Variants in COL5A2 observed in about 807,000 individuals in gnomAD.
The protein encoded by COL5A2 is collagen type V alpha 2 chain, also known as collagen alpha-2(V) chain.
In COL5A2, 23 loss-of-function variants were observed where a neutral mutation model predicts 208.2. The ratio of observed to expected loss-of-function variants is 0.11; its 90% CI spans 0.08 to 0.16. COL5A2 has a LOEUF of 0.16. Ranked by LOEUF, COL5A2 falls within the 10% of genes least tolerant of loss-of-function variation. The pLI, the probability that COL5A2 is intolerant of heterozygous loss-of-function variation, is 1.00. For missense variants in COL5A2, 1,590 were observed against 1,956.4 expected (o/e 0.81, Z 3.53); for synonymous variants, 625 against 628.5 (o/e 0.99, Z 0.08).
intron 1 of COL5A2, among the ~76,000 whole-genome samples, chr2:189,121,412 T>G (rs1687497344): frequency 1.3e-5 from 2 of 152,072 alleles, no homozygotes; most frequent in Admixed American, 1.3e-4. Flanking sequence ...TGATTTTAAT[T>G]TCTTTACCAT....
In COL5A2 at chr2:189,176,604, C is replaced by T. The variant is rs78604623; in HGVS notation, c.97+2904G>A. ...TAGCTCACTAGATGCTAGGCATTAA[C>T]TTAGGAATATAAATACACTGTAAAT... On this transcript the variant is annotated intron_variant, in intron 1 of 53. Transcript: ENST00000374866. Among the ~76,000 whole-genome samples the T allele has an allele frequency of 7.4e-3, 1,127 of 152,242 alleles. 19 individuals carry two copies. Among genetic ancestry groups the T allele is most frequent in the African/African-American group, 0.024 (996 of 41,528 alleles).
chr2:189,092,100 G>A (rs1448641855), intron 7 of COL5A2, among the ~76,000 whole-genome samples: 2 of 152,198 alleles, frequency 1.3e-5, no homozygotes, highest in African/African-American at 2.4e-5. Flanking sequence ...CAAACAATTT[G>A]AAGCAGTACT....
chr2:189,257,576 C>A, the COL5A2 span, among the ~76,000 whole-genome samples: 1 of 152,010 alleles, frequency 6.6e-6, no homozygotes, highest in East Asian at 1.9e-4. Context: ...TGTTTATTAC[C>A]ACAGGTGTAA....
chr2:189,427,365 C>T, the COL5A2 span, among the ~76,000 whole-genome samples: 11 of 152,110 alleles, frequency 7.2e-5, no homozygotes, highest in South Asian at 4.1e-4. Flanking sequence ...TTTTAGAAAA[C>T]GTATGGAATA....
At chr2:189,255,052 A>G in the COL5A2 span, among the ~76,000 whole-genome samples, 21 of 152,330 alleles carry the variant, frequency 1.4e-4, no homozygotes, top group African/African-American at 4.6e-4. Flanking sequence ...CGGCAAAAGC[A>G]ATGTATCACT....
chr2:189,195,662 G>T (rs12987102), intron 1 of COL5A2, among the ~76,000 whole-genome samples: 2 of 151,972 alleles, frequency 1.3e-5, no homozygotes, highest in Non-Finnish European at 2.9e-5. Flanking sequence ...ATAACACCAC[G>T]TATCTACAGC....
the COL5A2 span, among the ~76,000 whole-genome samples, chr2:189,339,854 A>G: frequency 6.6e-6 from 1 of 152,138 alleles, no homozygotes; most frequent in Non-Finnish European, 1.5e-5. Context: ...GATTTTTCTG[A>G]GAAAGGAACT....
In COL5A2 at chr2:189,060,737, C is replaced by A; in HGVS notation, c.2078G>T (p.Gly693Val). 1 of 1,613,062 alleles carries A rather than the reference C, an allele frequency of 6.2e-7. No individual in the cohort carries two copies. Among genetic ancestry groups the A allele is most frequent in the Non-Finnish European group, 8.5e-7 (1 of 1,179,100 alleles). ...PGPPGEGGKP[G>V]DQGVPGDPGA... Reference sequence around the variant, plus strand: ...TATTATTTAAACACTTACTTGATCACCTGGTTTTCCACCTTCTCCAGGAGG... The same window carrying A: ...TATTATTTAAACACTTACTTGATCAACTGGTTTTCCACCTTCTCCAGGAGG... The change falls in exon 31 of 54, where the codon GGT becomes GTT. Residue 693 changes from glycine (G) to valine (V), a missense_variant. Physicochemically the swap from Gly to Val is moderately radical, Grantham distance 109 (BLOSUM62 -3). Coordinates refer to ENST00000374866, the MANE Select transcript of COL5A2 (RefSeq NM_000393.5).
chr2:189,139,356 C>G (rs141725779), intron 1 of COL5A2, among the ~76,000 whole-genome samples: 2 of 152,102 alleles, frequency 1.3e-5, no homozygotes, highest in African/African-American at 4.8e-5. Flanking sequence ...TGGCACTTTA[C>G]CTCCTCCCAA....
the COL5A2 span, among the ~76,000 whole-genome samples, chr2:189,416,021 C>A: frequency 6.6e-6 from 1 of 152,134 alleles, no homozygotes; most frequent in Non-Finnish European, 1.5e-5. Flanking sequence ...ATAATTTTCC[C>A]TGAATAATAC....
At chr2:189,432,894 C>A in the COL5A2 span, among the ~76,000 whole-genome samples, 18 of 152,316 alleles carry the variant, frequency 1.2e-4, no homozygotes, top group African/African-American at 4.3e-4. Context: ...CTCTGCGCCA[C>A]ATCGCCCTCA....
At chr2:189,140,814 T>C (rs1687920979) in intron 1 of COL5A2, among the ~76,000 whole-genome samples, 1 of 152,184 alleles carries the variant, frequency 6.6e-6, no homozygotes, top group South Asian at 2.1e-4. Flanking sequence ...TTTCTAAGGC[T>C]CAGTTCTTCC....
At chr2:189,367,926 C>T in the COL5A2 span, among the ~76,000 whole-genome samples, 2 of 152,160 alleles carry the variant, frequency 1.3e-5, no homozygotes, top group African/African-American at 4.8e-5. Flanking sequence ...TGGATAGGTC[C>T]CATTTTTAAG....
chr2:189,131,809 A>G (rs550226429), intron 1 of COL5A2, among the ~76,000 whole-genome samples: 2 of 152,374 alleles, frequency 1.3e-5, no homozygotes, highest in African/African-American at 2.4e-5. Flanking sequence ...CTTCATCCAT[A>G]TACATAATTT....
Position 189,053,444 on chromosome 2 carries a change from C to T in COL5A2, c.2533G>A (p.Val845Ile), listed in dbSNP as rs375124784. The change falls in exon 38 of 54, where the codon GTT becomes ATT. Residue 845 changes from valine to isoleucine, a missense_variant. Coordinates refer to ENST00000374866, the MANE Select transcript of COL5A2 (RefSeq NM_000393.5). ...SRGENGPTGA[V>I]GFAGPQGPDG... ...TATACCTGGGGTCCGGCAAAACCAA[C>T]AGCTCCAGTTGGCCCATTTTCACCT... 4.0e-5 allele frequency: 65 copies of T among 1,613,742 alleles called. No homozygotes were observed. The African/African-American group carries it at 8.1e-4, about 20-fold the overall frequency.
At chr2:189,345,586 A>G in the COL5A2 span, among the ~76,000 whole-genome samples, 1 of 152,158 alleles carries the variant, frequency 6.6e-6, no homozygotes. Context: ...TATCTCAGGA[A>G]AAAAAGGGAG....
At chr2:189,102,692 A>G (rs1360333787) in intron 3 of COL5A2, among the ~76,000 whole-genome samples, 1 of 152,140 alleles carries the variant, frequency 6.6e-6, no homozygotes, top group Non-Finnish European at 1.5e-5. Flanking sequence ...TGCATCATCT[A>G]TACCATTTGC....
At chr2:189,153,400 TCAAG>T (rs1688183624) in intron 1 of COL5A2, among the ~76,000 whole-genome samples, 1 of 152,194 alleles carries the variant, frequency 6.6e-6, no homozygotes, top group Non-Finnish European at 1.5e-5. Flanking sequence ...CATGATTCAG[TCAAG>T]ACCATCCTGG....
chr2:189,195,496 C>T (rs1025830445), intron 1 of COL5A2, among the ~76,000 whole-genome samples: 2 of 152,036 alleles, frequency 1.3e-5, no homozygotes, highest in African/African-American at 2.4e-5. Flanking sequence ...AAAAAGAGCT[C>T]GTATAGCCAA....
Sources: allele counts gnomAD v4.1 joint callset (sites outside exome capture counted in the v4.1 genomes callset), GRCh38; gene constraint gnomAD v4.1.1; transcripts MANE v1.5; gene names NCBI Gene and HGNC (gene_info 2026-07-23, HGNC 2026-07-21).